Variants in KLHL1 observed in about 807,000 individuals in gnomAD.
KLHL1 encodes kelch-like protein 1.
Under a neutral mutation model 77.7 loss-of-function variants are expected in KLHL1, and 47 were observed. That is an observed-to-expected ratio of 0.60 (90% CI 0.48 to 0.77). The LOEUF (loss-of-function observed/expected upper bound fraction) is 0.77. Ranked by LOEUF, KLHL1 falls within the 30% of genes least tolerant of loss-of-function variation. KLHL1 has a pLI of 0.00. For synonymous variants in KLHL1, 360 were observed against 325.2 expected, an observed-to-expected ratio of 1.11 and a Z score of -1.15; for missense variants, 925 against 910.8, an observed-to-expected ratio of 1.02 and a Z score of -0.20.
intron 5 of KLHL1, among the ~76,000 whole-genome samples, chr13:69,874,112 A>G (rs1028282231): frequency 1.7e-4 from 26 of 152,240 alleles, no homozygotes; most frequent in African/African-American, 6.3e-4. Context: ...AATTGGCAAG[A>G]TATAGTACTC....
chr13:70,018,497 T>G (rs770750466), intron 1 of KLHL1, among the ~76,000 whole-genome samples: 1 of 152,188 alleles, frequency 6.6e-6, no homozygotes, highest in Non-Finnish European at 1.5e-5. Context: ...GATTAGTACC[T>G]GATTTAGAGA....
chr13:69,762,008 G>A (rs2137966631), intron 7 of KLHL1, among the ~76,000 whole-genome samples: 1 of 152,122 alleles, frequency 6.6e-6, no homozygotes, highest in East Asian at 1.9e-4. Context: ...TGATCGTTTA[G>A]ACAGATTTCA....
Position 69,842,294 on chromosome 13 carries a change from T to C in KLHL1, c.1228-3132A>G, listed in dbSNP as rs151210534. ...GGGAGAAATATTAGCAAATTATTTATGCAAGAGAGGACAAATACGCAGAAT... is the reference window on the plus strand; with the variant it reads ...GGGAGAAATATTAGCAAATTATTTACGCAAGAGAGGACAAATACGCAGAAT... On this transcript the variant is annotated intron_variant, in intron 5 of 10. Coordinates refer to ENST00000377844, the MANE Select transcript of KLHL1 (RefSeq NM_020866.3). 6.4e-3 allele frequency among the ~76,000 whole-genome samples: 972 copies of C among 151,878 alleles called. 9 individuals carry two copies. Among genetic ancestry groups the C allele is most frequent in the African/African-American group, 0.022 (923 of 41,500 alleles).
intron 9 of KLHL1, among the ~76,000 whole-genome samples, chr13:69,713,705 T>G (rs1875983207): frequency 6.7e-6 from 1 of 149,854 alleles, no homozygotes; most frequent in Admixed American, 6.6e-5. Context: ...GAAATGAGAA[T>G]ATTTTTTTTT....
At chr13:69,867,248 T>C (rs1880400377) in intron 5 of KLHL1, among the ~76,000 whole-genome samples, 2 of 152,108 alleles carry the variant, frequency 1.3e-5, no homozygotes, top group Non-Finnish European at 2.9e-5. Flanking sequence ...CTTTTAAATA[T>C]AGATTTTCTG....
intron 2 of KLHL1, among the ~76,000 whole-genome samples, chr13:69,963,020 T>A (rs988566068): frequency 2.0e-5 from 3 of 152,170 alleles, no homozygotes; most frequent in Non-Finnish European, 4.4e-5. Flanking sequence ...CCAAAGTTTT[T>A]TTCACTTTAC....
chr13:69,775,531 T>A (rs9542086), intron 7 of KLHL1, among the ~76,000 whole-genome samples: 4,372 of 152,256 alleles, frequency 0.029, 100 homozygotes, highest in Middle Eastern at 0.041. Flanking sequence ...AGAACTGTTT[T>A]CTATTAGGGC....
At chr13:69,946,383 T>C (rs1470711362) in intron 3 of KLHL1, among the ~76,000 whole-genome samples, 1 of 152,234 alleles carries the variant, frequency 6.6e-6, no homozygotes, top group African/African-American at 2.4e-5. Context: ...TTTCAAAATA[T>C]ATTTAATAAA....
intron 1 of KLHL1, among the ~76,000 whole-genome samples, chr13:70,070,217 T>C (rs1052773544): frequency 1.3e-5 from 2 of 150,948 alleles, no homozygotes; most frequent in African/African-American, 4.9e-5. Flanking sequence ...CTAAAGTTAA[T>C]GGCAGACACC....
chr13:69,708,753 C>T (rs1875747727), intron 9 of KLHL1, among the ~76,000 whole-genome samples: 1 of 151,834 alleles, frequency 6.6e-6, no homozygotes, highest in Non-Finnish European at 1.5e-5. Context: ...TTGCCTTTGG[C>T]CCACAATTGC....
At chr13:69,712,311 G>A (rs1422942550) in intron 9 of KLHL1, among the ~76,000 whole-genome samples, 1 of 149,658 alleles carries the variant, frequency 6.7e-6, no homozygotes, top group Non-Finnish European at 1.5e-5. Context: ...CAGCTTTATT[G>A]TTTTATGGGT....
chr13:69,895,371 T>G (rs984070397), intron 4 of KLHL1, among the ~76,000 whole-genome samples: 36 of 152,178 alleles, frequency 2.4e-4, no homozygotes, highest in African/African-American at 8.4e-4. Flanking sequence ...CATCTTGCCT[T>G]GGCCACTCAA....
chr13:70,024,640 C>CTCTT (rs1383529677), intron 1 of KLHL1, among the ~76,000 whole-genome samples: 29 of 149,882 alleles, frequency 1.9e-4, no homozygotes, highest in South Asian at 4.3e-4. Context: ...CTCTCTCTCT[C>CTCTT]TCTCTCTCTC....
chr13:69,754,721 C>A (rs1874633343), intron 7 of KLHL1, among the ~76,000 whole-genome samples: 1 of 152,148 alleles, frequency 6.6e-6, no homozygotes, highest in African/African-American at 2.4e-5. Flanking sequence ...GTTTAACATT[C>A]TCTCTGTTGC....
intron 7 of KLHL1, among the ~76,000 whole-genome samples, chr13:69,762,518 G>A (rs2137967407): frequency 6.6e-6 from 1 of 151,720 alleles, no homozygotes; most frequent in East Asian, 1.9e-4. Flanking sequence ...GGAAACAATA[G>A]CAGATAAAGA....
chr13:69,762,422 T>C (rs1021603614), intron 7 of KLHL1, among the ~76,000 whole-genome samples: 1 of 152,058 alleles, frequency 6.6e-6, no homozygotes, highest in Middle Eastern at 3.4e-3. Flanking sequence ...TATGCCAAAG[T>C]GTATTTTCAC....
At chr13:69,896,687 G>A (rs1297413982) in intron 4 of KLHL1, among the ~76,000 whole-genome samples, 1 of 131,640 alleles carries the variant, frequency 7.6e-6, no homozygotes, top group Admixed American at 7.6e-5. Context: ...TTTTTTTTTT[G>A]AGACAGAGTC....
intron 1 of KLHL1, among the ~76,000 whole-genome samples, chr13:70,028,303 C>A (rs181153040): frequency 6.6e-6 from 1 of 152,074 alleles, no homozygotes; most frequent in African/African-American, 2.4e-5. Context: ...GATTACTTTG[C>A]GGCCCATGGA....
chr13:70,031,666 A>G (rs541420981), intron 1 of KLHL1, among the ~76,000 whole-genome samples: 118 of 152,280 alleles, frequency 7.7e-4, no homozygotes, highest in African/African-American at 2.7e-3. Context: ...GGGGTAAGCT[A>G]CTTTCAGTGG....
Sources: allele counts gnomAD v4.1 joint callset (sites outside exome capture counted in the v4.1 genomes callset), GRCh38; gene constraint gnomAD v4.1.1; transcripts MANE v1.5; gene names NCBI Gene and HGNC (gene_info 2026-07-23, HGNC 2026-07-21).